BCKDHB: variants seen among roughly 807,000 people sequenced by gnomAD.
The protein encoded by BCKDHB is branched chain keto acid dehydrogenase E1 subunit beta.
In BCKDHB, 41 loss-of-function variants were observed where a neutral mutation model predicts 48.5. The observed-to-expected ratio is 0.85, with a 90% CI of 0.66 to 1.10. BCKDHB has a LOEUF of 1.10. Among genes scored for constraint, BCKDHB ranks in the 50% least tolerant of loss-of-function variants. The probability of loss-of-function intolerance (pLI) is 0.00; values close to 1 mark genes in which losing one functional copy is unlikely to be tolerated. For missense variants in BCKDHB, 496 were observed against 494.2 expected (o/e 1.00, Z -0.03); for synonymous variants, 201 against 174.8 (o/e 1.15, Z -1.18).
At chr6:80,340,160 A>G (rs1230597255) in intron 9 of BCKDHB, among the ~76,000 whole-genome samples, 1 of 152,256 alleles carries the variant, frequency 6.6e-6, no homozygotes, top group Non-Finnish European at 1.5e-5. Context: ...TTCAAATACT[A>G]TATTCTAAAA....
chr6:80,300,299 A>G (rs1767515226), intron 9 of BCKDHB, among the ~76,000 whole-genome samples: 1 of 152,084 alleles, frequency 6.6e-6, no homozygotes, highest in East Asian at 1.9e-4. Context: ...CGATCCACAC[A>G]TCTCAGCCTC....
At chr6:80,417,765 A>AT in the BCKDHB span, among the ~76,000 whole-genome samples, 2 of 151,878 alleles carry the variant, frequency 1.3e-5, no homozygotes, top group South Asian at 2.1e-4. Context: ...TGCCTTTAAC[A>AT]TTTTTTTCTT....
chr6:80,431,844 C>A, the BCKDHB span, among the ~76,000 whole-genome samples: 1 of 151,928 alleles, frequency 6.6e-6, no homozygotes, highest in Non-Finnish European at 1.5e-5. Context: ...ATTGTCCTAT[C>A]CATGTTTAGT....
In BCKDHB at chr6:80,175,174, A is replaced by G. The variant is rs544032992; in HGVS notation, c.742+3784A>G. On this transcript the variant is annotated intron_variant, in intron 6 of 9. Transcript: ENST00000320393. The stretch of plus-strand genomic sequence containing the variant: ...TCCTAGGTAGCTGCACCAGCTCCCA[A>G]TGCCACATATGTATTTCAGCTACCA... Among the ~76,000 whole-genome samples the G allele has an allele frequency of 2.6e-5, 4 of 152,274 alleles. No homozygotes were observed. In the South Asian group the frequency reaches 8.3e-4, roughly 32 times the overall value.
At chr6:80,416,564 T>C in the BCKDHB span, among the ~76,000 whole-genome samples, 5 of 152,014 alleles carry the variant, frequency 3.3e-5, no homozygotes, top group African/African-American at 1.2e-4. Flanking sequence ...AGCAGGTTAT[T>C]CAACTTCCAT....
the BCKDHB span, among the ~76,000 whole-genome samples, chr6:80,430,803 T>C: frequency 6.6e-6 from 1 of 152,304 alleles, no homozygotes; most frequent in South Asian, 2.1e-4. Context: ...GAAGGGTTTT[T>C]TGTGTCTCTA....
In BCKDHB at chr6:80,301,244, A is replaced by G. The variant is rs1582532820; in HGVS notation, c.1038+28023A>G. 6.6e-5 allele frequency among the ~76,000 whole-genome samples: 10 copies of G among 152,298 alleles called. 2 individuals are homozygous for G. The highest frequency in any genetic ancestry group is 6.5e-4 in the Admixed American group (10 of 15,298). ...ATCCATACAAAAGATCAATGAAACCAAGAGGTCGTTCTTCAAAAAAACAAT... is the reference window on the plus strand; with the variant it reads ...ATCCATACAAAAGATCAATGAAACCGAGAGGTCGTTCTTCAAAAAAACAAT... On this transcript the variant is annotated intron_variant, in intron 9 of 9. Transcript: ENST00000320393.
the BCKDHB span, among the ~76,000 whole-genome samples, chr6:80,431,677 A>T: frequency 3.3e-5 from 5 of 152,184 alleles, no homozygotes; most frequent in East Asian, 9.7e-4. Context: ...TTGCCTGGTA[A>T]ATATTACTCC....
intron 6 of BCKDHB, among the ~76,000 whole-genome samples, chr6:80,196,469 A>G (rs1774136252): frequency 6.6e-6 from 1 of 151,994 alleles, no homozygotes; most frequent in Non-Finnish European, 1.5e-5. Context: ...CTATATTATG[A>G]TTTTATTTGT....
At chr6:80,384,322 C>T in the BCKDHB span, among the ~76,000 whole-genome samples, 1 of 150,318 alleles carries the variant, frequency 6.7e-6, no homozygotes. Context: ...GAACATCGGA[C>T]TCCCGATCTT....
At chr6:80,371,409 G>T in the BCKDHB span, among the ~76,000 whole-genome samples, 1 of 152,082 alleles carries the variant, frequency 6.6e-6, no homozygotes, top group Non-Finnish European at 1.5e-5. Context: ...CATATAGATT[G>T]TGAAGATTTT....
the BCKDHB span, chr6:80,356,704 CTAT>C: frequency 6.6e-6 from 1 of 152,086 alleles, no homozygotes; most frequent in Non-Finnish European, 1.5e-5. Context: ...AAAATATTTA[CTAT>C]GTGCTAAAAA....
At chr6:80,266,410 A>G (rs779949553) in intron 8 of BCKDHB, among the ~76,000 whole-genome samples, 24 of 152,106 alleles carry the variant, frequency 1.6e-4, no homozygotes, top group Non-Finnish European at 2.5e-4. Flanking sequence ...GAAATGGGGC[A>G]AAAAACTTTT....
At chr6:80,226,136 A>G (rs995082969) in intron 8 of BCKDHB, among the ~76,000 whole-genome samples, 1 of 152,186 alleles carries the variant, frequency 6.6e-6, no homozygotes. Flanking sequence ...TATCTATTTT[A>G]TGTCAAGTAA....
In BCKDHB at chr6:80,255,514, G is replaced by GA. The variant is rs1268949607; in HGVS notation, c.952-17614dup. Among the ~76,000 whole-genome samples the GA allele has an allele frequency of 5.9e-5, 9 of 152,128 alleles. No individual in the cohort carries two copies. In the East Asian group the frequency reaches 1.4e-3, roughly 23 times the overall value. ...ACCTGTGAAAAGAAGGGAAAAAAAA[G>GA]AAAAAAATTCGGATCACCGCTAACA... On this transcript the variant is annotated intron_variant, in intron 8 of 9. Coordinates refer to ENST00000320393, the MANE Select transcript of BCKDHB (RefSeq NM_183050.4).
the BCKDHB span, among the ~76,000 whole-genome samples, chr6:80,385,614 C>T: frequency 1.3e-5 from 2 of 152,190 alleles, no homozygotes; most frequent in African/African-American, 4.8e-5. Context: ...GTGATGGCCT[C>T]TCCTGAGGCC....
At chr6:80,330,279 G>T (rs1445705868) in intron 9 of BCKDHB, among the ~76,000 whole-genome samples, 1 of 152,120 alleles carries the variant, frequency 6.6e-6, no homozygotes, top group Non-Finnish European at 1.5e-5. Context: ...TGAGTTGAAG[G>T]TTCAGGAATT....
chr6:80,348,087 A>G (rs1451763772), downstream of BCKDHB, among the ~76,000 whole-genome samples: 1 of 152,154 alleles, frequency 6.6e-6, no homozygotes, highest in African/African-American at 2.4e-5. Context: ...TGGAATAGCT[A>G]ACTAAAAGAC....
chr6:80,361,351 G>T, the BCKDHB span, among the ~76,000 whole-genome samples: 1 of 152,232 alleles, frequency 6.6e-6, no homozygotes, highest in Non-Finnish European at 1.5e-5. Context: ...TTGGGACAGA[G>T]TGTGCAGGTG....
Sources: gnomAD v4.1 joint callset for allele counts (sites outside exome capture counted in the v4.1 genomes callset) on GRCh38, gnomAD v4.1.1 for gene constraint, MANE v1.5 for transcripts, NCBI Gene and HGNC (gene_info 2026-07-23, HGNC 2026-07-21) for gene names.